SIN3A: variants seen among roughly 807,000 people sequenced by gnomAD.
SIN3A encodes SIN3 transcription regulator family member A.
A neutral mutation model predicts 146.1 loss-of-function variants in SIN3A; 14 were observed. The observed-to-expected ratio is 0.10, with a 90% CI of 0.06 to 0.15. The LOEUF (loss-of-function observed/expected upper bound fraction) is 0.15. Ranked by LOEUF, SIN3A falls within the 10% of genes least tolerant of loss-of-function variation. SIN3A has a pLI of 1.00. For synonymous variants in SIN3A, 572 were observed against 572.0 expected, an observed-to-expected ratio of 1.00 and a Z score of 0.00; for missense variants, 1,028 against 1,576.0, an observed-to-expected ratio of 0.65 and a Z score of 5.89.
chr15:75,421,624 T>C (rs1380200578), intron 3 of SIN3A: 2 of 152,242 alleles, frequency 1.3e-5, no homozygotes, highest in Non-Finnish European at 2.9e-5. Flanking sequence ...CATATGGATA[T>C]GTCCTTAGAG....
At chr15:75,411,311 G>C (rs2073634419) in intron 6 of SIN3A, among the ~76,000 whole-genome samples, 181 bp downstream of exon 6, 1 of 152,224 alleles carries the variant, frequency 6.6e-6, no homozygotes, top group African/African-American at 2.4e-5. Context: ...CTGGGTGACA[G>C]TGCAAGACTC....
chr15:75,444,270 A>G (rs1476627728), intron 1 of SIN3A, among the ~76,000 whole-genome samples: 1 of 152,084 alleles, frequency 6.6e-6, no homozygotes, highest in Non-Finnish European at 1.5e-5. Context: ...GTGAAACCCC[A>G]TTTCTACTAA....
At chr15:75,452,169 G>T (rs950512293), upstream of SIN3A, among the ~76,000 whole-genome samples, 2 of 152,212 alleles carry the variant, frequency 1.3e-5, no homozygotes, top group African/African-American at 4.8e-5. Context: ...CTACCGCACT[G>T]CCGGGCCAGG....
Position 75,410,246 on chromosome 15 carries a change from G to A in SIN3A, c.1049C>T (p.Thr350Ile). The part of the protein sequence containing the change: ...RNAKEAGGNY[T>I]PALTEQEVYA... ...CACCTCCTGCTCTGTCAATGCTGGAGTGTAGTTTCCTCCAGCTTCCTTGGC... is the reference window on the plus strand; with the variant it reads ...CACCTCCTGCTCTGTCAATGCTGGAATGTAGTTTCCTCCAGCTTCCTTGGC... Residue 350 changes from threonine (T) to isoleucine (I), a missense_variant, in exon 7 of 21, where the codon ACT becomes ATT. By Grantham distance (89) the Thr-to-Ile change is moderately conservative (BLOSUM62 -1). Coordinates refer to ENST00000394947, the MANE Select transcript of SIN3A (RefSeq NM_001145358.2). 6.2e-7 allele frequency: 1 copy of A among 1,613,896 alleles called. No individual in the cohort carries two copies. Among genetic ancestry groups the A allele is most frequent in the Non-Finnish European group, 8.5e-7 (1 of 1,179,950 alleles).
chr15:75,412,518 A>G (rs2073659758), intron 5 of SIN3A, among the ~76,000 whole-genome samples: 1 of 152,248 alleles, frequency 6.6e-6, no homozygotes, highest in South Asian at 2.1e-4. Context: ...TCATGGTTTT[A>G]TAAGCAGAAA....
At position 75,417,445 on chromosome 15, in the gene SIN3A, G is replaced by A. The variant is rs538530807; in HGVS notation, c.367-3134C>T. On this transcript the variant is annotated intron_variant, in intron 3 of 20. Transcript: ENST00000394947. The stretch of plus-strand genomic sequence containing the variant: ...GGCTAGAGTGCAATGGCGCAATCTC[G>A]GGTCACTGCAACTTCTGCCTCCTGG... 4.0e-5 allele frequency among the ~76,000 whole-genome samples: 6 copies of A among 150,668 alleles called. No homozygotes were observed. The East Asian group carries it at 7.8e-4, about 20-fold the overall frequency.
chr15:75,386,053 C>T (rs183615363), intron 16 of SIN3A, among the ~76,000 whole-genome samples: 1 of 152,328 alleles, frequency 6.6e-6, no homozygotes, highest in Non-Finnish European at 1.5e-5. Context: ...CAGAGTCTCG[C>T]TCTGTCGCCC....
At chr15:75,433,061 A>C (rs1328715173) in intron 1 of SIN3A, among the ~76,000 whole-genome samples, 1 of 152,194 alleles carries the variant, frequency 6.6e-6, no homozygotes, top group Non-Finnish European at 1.5e-5. Flanking sequence ...ACAAAAAAAA[A>C]CTTTATAAAT....
chr15:75,376,995 C>A (rs1358333564), intron 19 of SIN3A, among the ~76,000 whole-genome samples: 4 of 151,804 alleles, frequency 2.6e-5, no homozygotes, highest in Non-Finnish European at 5.9e-5. Flanking sequence ...TCTGTGAGAT[C>A]AAAACTATTC....
rs1480553528 is a variant in SIN3A at position 75,392,516 on chromosome 15, G to T, written c.2577C>A (p.Gly859=). The T allele has an allele frequency of 6.2e-7, 1 of 1,614,044 alleles. No individual in the cohort carries two copies. The highest frequency in any genetic ancestry group is 1.7e-5 in the Admixed American group (1 of 60,024). Reference sequence around the variant, plus strand: ...ACAGTAACTTGGACTTAGGGGGACTGCCCCCAACACCATTGTGCTTCTTAA... The same window carrying T: ...ACAGTAACTTGGACTTAGGGGGACTTCCCCCAACACCATTGTGCTTCTTAA... The part of the protein sequence containing the change: ...GAVKKHNGVG[G]SPPKSKLLFS... The change falls in exon 15 of 21, where the codon GGC becomes GGA. Residue 859 remains glycine, a synonymous_variant. Coordinates refer to ENST00000394947, the MANE Select transcript of SIN3A (RefSeq NM_001145358.2).
intron 20 of SIN3A, among the ~76,000 whole-genome samples, chr15:75,373,058 T>C (rs551823337): frequency 6.6e-6 from 1 of 152,286 alleles, no homozygotes; most frequent in South Asian, 2.1e-4. Flanking sequence ...GAGTCCAGGC[T>C]TGGCAGATGT....
rs1328702874 is a variant in SIN3A at position 75,400,833 on chromosome 15, T to C, written c.1634A>G (p.Glu545Gly). The change falls in exon 11 of 21, where the codon GAG becomes GGG. Residue 545 changes from glutamate to glycine, a missense_variant. Physicochemically the swap from Glu to Gly is moderately conservative, Grantham distance 98. This residue lies in a region of SIN3A where 157 missense variants were observed against 284.8 expected (regional missense o/e 0.55). Coordinates refer to ENST00000394947, the MANE Select transcript of SIN3A (RefSeq NM_001145358.2). The stretch of plus-strand genomic sequence containing the variant: ...TCGTTTACAAGAAGCATAATCTATC[T>C]CCATAGCAATGCCCTCTGTGGCTCG... ...KERATEGIAM[E>G]IDYASCKRLG... 1.9e-6 allele frequency: 3 copies of C among 1,613,980 alleles called. No individual in the cohort carries two copies. The Admixed American group carries it at 5.0e-5, about 27-fold the overall frequency.
chr15:75,407,089 T>G lies in SIN3A; in HGVS notation c.1373A>C (p.His458Pro). 6.2e-7 allele frequency: 1 copy of G among 1,613,226 alleles called. No homozygotes were observed. Residue 458 changes from histidine (H) to proline (P), a missense_variant, in exon 9 of 21, where the codon CAT becomes CCT. His to Pro is a moderately conservative substitution (Grantham distance 77). This residue lies in a region of SIN3A where 62 missense variants were observed against 63.5 expected (regional missense o/e 0.98). Transcript: ENST00000394947. Reference protein sequence around the residue: ...KDSSMADASKHGGGTESLFFD... With the variant: ...KDSSMADASKPGGGTESLFFD... ...AAATAACGATTCTGTTCCACCACCA[T>G]GTTTGCTGGCATCTGCCATAGAAGA...
chr15:75,391,373 T>C (rs1490731731), intron 15 of SIN3A, among the ~76,000 whole-genome samples: 1 of 152,138 alleles, frequency 6.6e-6, no homozygotes. Flanking sequence ...CACAATGAGA[T>C]CTAAAATTTA....
chr15:75,431,871 G>A (rs1403657025), intron 1 of SIN3A, among the ~76,000 whole-genome samples: 1 of 152,128 alleles, frequency 6.6e-6, no homozygotes, highest in African/African-American at 2.4e-5. Context: ...ACATACCTAA[G>A]TGGGACCCTG....
rs1425108081 is a variant in SIN3A, at chr15:75,370,773, G to C, written c.*1206C>G. On this transcript the variant is annotated 3_prime_UTR_variant, in exon 21 of 21. Coordinates refer to ENST00000394947, the MANE Select transcript of SIN3A (RefSeq NM_001145358.2). ...CAAGGGAAAAAAACACGTACTAAAAGACTTAAGTATTCTAAGATTTTGGAA... is the reference window on the plus strand; with the variant it reads ...CAAGGGAAAAAAACACGTACTAAAACACTTAAGTATTCTAAGATTTTGGAA... 1 of 152,016 alleles carries C rather than the reference G, an allele frequency of 6.6e-6. No individual in the cohort carries two copies. Among genetic ancestry groups the C allele is most frequent in the Non-Finnish European group, 1.5e-5 (1 of 68,010 alleles). 9.4% of individuals were successfully genotyped at this position (152,016 alleles called of 1,614,324 possible).
At position 75,401,987 on chromosome 15, in the gene SIN3A, G is replaced by A; in HGVS notation, c.1408-17C>T. ...CTTTCGGACCTTATGGAGACAACGG[G>A]AAGAAAAACAGTTTTTGTTTTTCTT... On this transcript the variant is annotated splice_polypyrimidine_tract_variant and intron_variant, in intron 9 of 20. Transcript: ENST00000394947. 1 of 1,506,746 alleles carries A rather than the reference G, an allele frequency of 6.6e-7. No individual in the cohort carries two copies. Among genetic ancestry groups the A allele is most frequent in the Non-Finnish European group, 9.2e-7 (1 of 1,086,862 alleles). 93.3% of individuals were successfully genotyped at this position (1,506,746 alleles called of 1,614,324 possible). A position where few individuals can be genotyped will look rare whatever the true frequency, so the allele number is the denominator to read the frequency against.
At chr15:75,449,144 G>A (rs1037112213) in intron 1 of SIN3A, among the ~76,000 whole-genome samples, 1 of 152,120 alleles carries the variant, frequency 6.6e-6, no homozygotes, top group Non-Finnish European at 1.5e-5. Flanking sequence ...ATGGTCAATC[G>A]TTCTCCACTA....
chr15:75,380,589 G>T, intron 19 of SIN3A, 40 bp downstream of exon 19: 1 of 1,396,330 alleles, frequency 7.2e-7, no homozygotes, highest in Non-Finnish European at 1.0e-6. Context: ...CCTCAATCAT[G>T]CACAGTATGG....
Sources: allele counts gnomAD v4.1 joint callset (sites outside exome capture counted in the v4.1 genomes callset), GRCh38; gene constraint gnomAD v4.1.1; regional missense constraint gnomAD v4.1.1; transcripts MANE v1.5; gene names NCBI Gene and HGNC (gene_info 2026-07-23, HGNC 2026-07-21).